Variants in PCDHGB1 observed in about 807,000 individuals in gnomAD.
PCDHGB1 encodes protocadherin gamma-B1.
In PCDHGB1, 34 loss-of-function variants were observed where a neutral mutation model predicts 56.6. That is an observed-to-expected ratio of 0.60 (90% CI 0.46 to 0.80). The LOEUF (loss-of-function observed/expected upper bound fraction) is 0.80. Ranked by LOEUF, PCDHGB1 falls within the 30% of genes least tolerant of loss-of-function variation. PCDHGB1 has a pLI of 0.00. For synonymous variants in PCDHGB1, 561 were observed against 505.9 expected, an observed-to-expected ratio of 1.11 and a Z score of -1.46; for missense variants, 1,278 against 1,204.6, an observed-to-expected ratio of 1.06 and a Z score of -0.90.
intron 1 of PCDHGB1, chr5:141,360,306 C>T (rs1354179747): frequency 6.2e-7 from 1 of 1,613,952 alleles, no homozygotes; most frequent in Non-Finnish European, 8.5e-7. Context: ...TGGGGCTCAG[C>T]GTCCGGGACT....
intron 1 of PCDHGB1, chr5:141,418,503 T>G (rs2096264259): frequency 6.2e-7 from 1 of 1,613,828 alleles, no homozygotes. Flanking sequence ...CTGACCGCCT[T>G]AGATGGTGGG....
intron 1 of PCDHGB1, chr5:141,413,078 C>A: frequency 7.7e-7 from 1 of 1,301,148 alleles, no homozygotes; most frequent in Non-Finnish European, 1.1e-6. Flanking sequence ...AGTGCCCAGG[C>A]TACAGAGACA....
At position 141,491,151 on chromosome 5, in the gene PCDHGB1, T is replaced by C. The variant is rs1283775894; in HGVS notation, c.2410-3656T>C. The C allele has an allele frequency of 6.2e-7, 1 of 1,614,150 alleles. No individual in the cohort carries two copies. On this transcript the variant is annotated intron_variant, in intron 1 of 3. Transcript: ENST00000523390. The surrounding 1 kb of genome is among the most constrained non-coding windows in gnomAD (Gnocchi z 6.9). ...GCACAGCCCGGGCCTTACTGGAGGA[T>C]GACTCTGACACCCAGCAGGTGGTGG...
chr5:141,430,970 A>G (rs1026736997), intron 1 of PCDHGB1: 3 of 1,613,068 alleles, frequency 1.9e-6, no homozygotes, highest in Non-Finnish European at 2.5e-6. Context: ...CCCCAGAGGT[A>G]GGACGCAGCT....
intron 1 of PCDHGB1, chr5:141,421,172 G>T: frequency 7.3e-7 from 1 of 1,366,164 alleles, no homozygotes. Flanking sequence ...AGATACATAA[G>T]CCGATTCACA....
At chr5:141,365,516 A>C (rs778402977) in intron 1 of PCDHGB1, 1 of 1,613,878 alleles carries the variant, frequency 6.2e-7, no homozygotes, top group South Asian at 1.1e-5. Flanking sequence ...TAAATTGGAG[A>C]AGTCAGTTGA....
At chr5:141,413,221 G>C (rs1384304697) in intron 1 of PCDHGB1, 1 of 1,613,570 alleles carries the variant, frequency 6.2e-7, no homozygotes, top group South Asian at 1.1e-5. Context: ...GGATTGCAGC[G>C]GGCTGGTCCT....
chr5:141,431,968 T>G lies in PCDHGB1; in HGVS notation c.2410-62839T>G, dbSNP rs571981127. 6.2e-7 allele frequency: 1 copy of G among 1,614,190 alleles called. No individual in the cohort carries two copies. Among genetic ancestry groups the G allele is most frequent in the Admixed American group, 1.7e-5 (1 of 60,024 alleles). On this transcript the variant is annotated intron_variant, in intron 1 of 3. Coordinates refer to ENST00000523390, the MANE Select transcript of PCDHGB1 (RefSeq NM_018922.3). The surrounding 1 kb of genome is among the most constrained non-coding windows in gnomAD (Gnocchi z 4.8). ...AAAAATCTTACGGAAATTACTATAGTTTAGTCACAGACATAGTCTTGGATA... is the reference window on the plus strand; with the variant it reads ...AAAAATCTTACGGAAATTACTATAGGTTAGTCACAGACATAGTCTTGGATA...
At chr5:141,364,134 A>G (rs1204922950) in intron 1 of PCDHGB1, 1 of 488,948 alleles carries the variant, frequency 2.0e-6, no homozygotes, top group African/African-American at 2.0e-5. Flanking sequence ...GCTGTTGACC[A>G]AAGTGGGAAA....
intron 1 of PCDHGB1, chr5:141,399,381 C>T: frequency 1.2e-6 from 2 of 1,613,982 alleles, no homozygotes; most frequent in Non-Finnish European, 8.5e-7. Flanking sequence ...ATGTCACCAT[C>T]ACAGCCACAG....
At position 141,491,605 on chromosome 5, in the gene PCDHGB1, T is replaced by C; in HGVS notation, c.2410-3202T>C. On this transcript the variant is annotated intron_variant, in intron 1 of 3. Coordinates refer to ENST00000523390, the MANE Select transcript of PCDHGB1 (RefSeq NM_018922.3). This position sits in a 1 kb window ranked among gnomAD's most constrained non-coding sequence, Gnocchi z 6.9. Reference sequence around the variant, plus strand: ...GGCCTCGGACGGCAGTGACTTCACTTTTCTAAGACCCCTCAGCGTTCAGCA... The same window carrying C: ...GGCCTCGGACGGCAGTGACTTCACTCTTCTAAGACCCCTCAGCGTTCAGCA... 6.2e-7 allele frequency: 1 copy of C among 1,613,868 alleles called. No individual in the cohort carries two copies. Among genetic ancestry groups the C allele is most frequent in the East Asian group, 2.2e-5 (1 of 44,858 alleles).
At chr5:141,363,480 A>G (rs565177899) in intron 1 of PCDHGB1, among the ~76,000 whole-genome samples, 1 of 152,366 alleles carries the variant, frequency 6.6e-6, no homozygotes, top group East Asian at 1.9e-4. Flanking sequence ...GCTTTCCTGC[A>G]TGGATGATGA....
rs751318430 is a variant in PCDHGB1 at position 141,485,603 on chromosome 5, G to A, written c.2410-9204G>A. 1 of 1,612,482 alleles carries A rather than the reference G, an allele frequency of 6.2e-7. No homozygotes were observed. The stretch of plus-strand genomic sequence containing the variant: ...GCAGCAGCTGGACTTGGAAATTGGG[G>A]AGGCAGCTCCTCCAGGACAGCGTTT... On this transcript the variant is annotated intron_variant, in intron 1 of 3. Coordinates refer to ENST00000523390, the MANE Select transcript of PCDHGB1 (RefSeq NM_018922.3). This position sits in a 1 kb window ranked among gnomAD's most constrained non-coding sequence, Gnocchi z 5.7.
At chr5:141,403,831 G>T (rs1207086715) in intron 1 of PCDHGB1, 1 of 1,613,760 alleles carries the variant, frequency 6.2e-7, no homozygotes. Context: ...TGCTATTCCA[G>T]CTTAATGAAA....
At chr5:141,413,824 A>G (rs1265406182) in intron 1 of PCDHGB1, 1 of 1,613,114 alleles carries the variant, frequency 6.2e-7, no homozygotes, top group Middle Eastern at 1.6e-4. Context: ...CCTGGTCCTC[A>G]CCGCCTCCGA....
intron 1 of PCDHGB1, among the ~76,000 whole-genome samples, chr5:141,354,582 G>A (rs748405111): frequency 1.3e-5 from 2 of 152,178 alleles, no homozygotes; most frequent in Non-Finnish European, 2.9e-5. Flanking sequence ...CATAAATTGG[G>A]ACTAAAGCCA....
At chr5:141,361,723 C>T (rs1282437481) in intron 1 of PCDHGB1, 3 of 1,613,236 alleles carry the variant, frequency 1.9e-6, no homozygotes, top group Non-Finnish European at 2.5e-6. Context: ...CGCCTTCGAG[C>T]TCACACTGCA....
intron 2 of PCDHGB1, among the ~76,000 whole-genome samples, chr5:141,502,865 T>C (rs538731947): frequency 3.0e-5 from 4 of 131,428 alleles, no homozygotes; most frequent in Non-Finnish European, 6.3e-5. Context: ...TGACTCTCTG[T>C]CTTTTTTTTT....
In PCDHGB1 at chr5:141,490,761, G is replaced by GTA. The variant is rs1380770489; in HGVS notation, c.2410-4044_2410-4043dup. The GTA allele has an allele frequency of 6.2e-7, 1 of 1,614,048 alleles. No individual in the cohort carries two copies. The highest frequency in any genetic ancestry group is 1.3e-5 in the African/African-American group (1 of 74,920). On this transcript the variant is annotated intron_variant, in intron 1 of 3. Coordinates refer to ENST00000523390, the MANE Select transcript of PCDHGB1 (RefSeq NM_018922.3). The surrounding 1 kb of genome is among the most constrained non-coding windows in gnomAD (Gnocchi z 5.4). ...AGGGAGCCCCAGCCTCCTCCTTTGT[G>GTA]TATGTCAACCCAGAGGATGGACGGA...
Sources: gnomAD v4.1 joint callset for allele counts (sites outside exome capture counted in the v4.1 genomes callset) on GRCh38, gnomAD v4.1.1 for gene constraint, Gnocchi (gnomAD v3.1) non-coding constraint, MANE v1.5 for transcripts, NCBI Gene and HGNC (gene_info 2026-07-23, HGNC 2026-07-21) for gene names.